KCNIP4: variants seen among roughly 807,000 people sequenced by gnomAD.
KCNIP4 encodes the protein potassium voltage-gated channel interacting protein 4, also known as Kv channel-interacting protein 4.
KCNIP4 carries 12 observed loss-of-function variants against 34.0 expected under a neutral mutation model. The ratio of observed to expected loss-of-function variants is 0.35; its 90% CI spans 0.23 to 0.57. KCNIP4 has a LOEUF of 0.57. KCNIP4 is among the 20% of genes least tolerant of loss of function. The probability of loss-of-function intolerance (pLI) is 0.83; values close to 1 mark genes in which losing one functional copy is unlikely to be tolerated. For synonymous variants in KCNIP4, 124 were observed against 102.2 expected, an observed-to-expected ratio of 1.21 and a Z score of -1.29; for missense variants, 238 against 311.7, an observed-to-expected ratio of 0.76 and a Z score of 1.78.
intron 1 of KCNIP4, among the ~76,000 whole-genome samples, chr4:21,729,251 A>G (rs963862557): frequency 6.6e-6 from 1 of 152,156 alleles, no homozygotes; most frequent in Non-Finnish European, 1.5e-5. Context: ...CTTTCCACCA[A>G]CAATATCCTA....
At chr4:21,313,070 C>G (rs1370832257) in intron 1 of KCNIP4, among the ~76,000 whole-genome samples, 1 of 152,210 alleles carries the variant, frequency 6.6e-6, no homozygotes, top group Non-Finnish European at 1.5e-5. Context: ...TGGGTCTAAT[C>G]TTTATCTAAA....
At chr4:20,804,851 A>G (rs1714858401) in intron 3 of KCNIP4, among the ~76,000 whole-genome samples, 1 of 152,148 alleles carries the variant, frequency 6.6e-6, no homozygotes, top group Admixed American at 6.5e-5. Context: ...CCTCATCTCT[A>G]CCTTTTTCTG....
intron 1 of KCNIP4, among the ~76,000 whole-genome samples, chr4:21,143,411 A>G (rs1752116402): frequency 6.6e-6 from 1 of 152,186 alleles, no homozygotes; most frequent in Admixed American, 6.5e-5. Flanking sequence ...GGGGAACCTC[A>G]GTCCTACAAC....
chr4:20,767,994 T>C (rs1041976235), intron 3 of KCNIP4, among the ~76,000 whole-genome samples: 4 of 152,292 alleles, frequency 2.6e-5, no homozygotes, highest in African/African-American at 9.6e-5. Flanking sequence ...TAAAATAGTA[T>C]TTAGCATGTA....
At chr4:20,784,692 G>A (rs1298483356) in intron 3 of KCNIP4, among the ~76,000 whole-genome samples, 1 of 152,000 alleles carries the variant, frequency 6.6e-6, no homozygotes, top group Non-Finnish European at 1.5e-5. Flanking sequence ...GAATGTGTAG[G>A]GTGGGTATGC....
At chr4:21,028,324 A>G (rs1740725222) in intron 1 of KCNIP4, among the ~76,000 whole-genome samples, 1 of 152,216 alleles carries the variant, frequency 6.6e-6, no homozygotes, top group Non-Finnish European at 1.5e-5. Context: ...AATAGAAGTC[A>G]GATCTTGTCA....
At chr4:21,730,986 C>T (rs773038355) in intron 1 of KCNIP4, among the ~76,000 whole-genome samples, 3 of 151,944 alleles carry the variant, frequency 2.0e-5, no homozygotes, top group Non-Finnish European at 4.4e-5. Context: ...TGGTGGTACA[C>T]TCCTGTAGTC....
intron 3 of KCNIP4, among the ~76,000 whole-genome samples, chr4:20,785,097 C>T (rs1487512067): frequency 2.0e-5 from 3 of 152,104 alleles, no homozygotes; most frequent in Non-Finnish European, 4.4e-5. Flanking sequence ...ACTCTCCCAA[C>T]ACCTGTTTCT....
At chr4:20,946,859 G>A (rs1732246461) in intron 1 of KCNIP4, among the ~76,000 whole-genome samples, 1 of 152,114 alleles carries the variant, frequency 6.6e-6, no homozygotes. Context: ...CAACAGCAGT[G>A]GCTCTTAATT....
intron 1 of KCNIP4, among the ~76,000 whole-genome samples, chr4:21,190,940 T>C (rs750346011): frequency 1.1e-4 from 16 of 152,168 alleles, no homozygotes; most frequent in East Asian, 5.8e-4. Flanking sequence ...GAGTTACAAT[T>C]TGTCAGCAGT....
chr4:20,777,141 TC>T (rs1376941348), intron 3 of KCNIP4, among the ~76,000 whole-genome samples: 1 of 152,134 alleles, frequency 6.6e-6, no homozygotes, highest in African/African-American at 2.4e-5. Flanking sequence ...GACTCATAGT[TC>T]CACAGGGCTA....
chr4:21,519,498 A>ATGTGTATGTGTATATACACATATG (rs1735162661), intron 1 of KCNIP4, among the ~76,000 whole-genome samples: 1 of 112,354 alleles, frequency 8.9e-6, no homozygotes, highest in African/African-American at 3.5e-5. Flanking sequence ...ATATGTGTGT[A>ATGTGTATGTGTATATACACATATG]TGTGTATGTG....
At chr4:21,632,380 A>G (rs1014333930) in intron 1 of KCNIP4, among the ~76,000 whole-genome samples, 1 of 122,372 alleles carries the variant, frequency 8.2e-6, no homozygotes, top group East Asian at 2.7e-4. Flanking sequence ...TGCCTGGCTA[A>G]TTTTTGTATT....
intron 1 of KCNIP4, among the ~76,000 whole-genome samples, chr4:21,460,435 A>C (rs146301326): frequency 2.3e-4 from 35 of 152,132 alleles, no homozygotes; most frequent in East Asian, 1.2e-3. Flanking sequence ...GCCATACCGA[A>C]ATACCATAGA....
chr4:20,875,074 G>A (rs964394620), intron 2 of KCNIP4, among the ~76,000 whole-genome samples: 4 of 151,670 alleles, frequency 2.6e-5, no homozygotes, highest in Admixed American at 6.6e-5. Context: ...CTTCTTATTC[G>A]TGGATGGTGA....
chr4:21,866,829 G>T (rs1271475292), intron 1 of KCNIP4, among the ~76,000 whole-genome samples: 1 of 135,140 alleles, frequency 7.4e-6, no homozygotes, highest in Non-Finnish European at 1.5e-5. Context: ...GAGTGCACTG[G>T]TGCTATCTCT....
chr4:21,697,838 A>G (rs1712514226), intron 1 of KCNIP4: 2 of 193,072 alleles, frequency 1.0e-5, no homozygotes, highest in Non-Finnish European at 1.0e-5. Flanking sequence ...GTGAATCAGC[A>G]TGTAAGCAGG....
intron 4 of KCNIP4, among the ~76,000 whole-genome samples, chr4:20,751,536 A>AG (rs902698310): frequency 2.7e-5 from 4 of 147,624 alleles, no homozygotes; most frequent in Non-Finnish European, 4.5e-5. Context: ...TTTTCAGAGG[A>AG]GGAAAAAAAA....
chr4:21,110,965 T>C (rs1749112123), intron 1 of KCNIP4, among the ~76,000 whole-genome samples: 1 of 152,222 alleles, frequency 6.6e-6, no homozygotes, highest in East Asian at 1.9e-4. Flanking sequence ...AGTTTTAGGC[T>C]TCTTGGTTGT....
Sources: allele counts gnomAD v4.1 joint callset (sites outside exome capture counted in the v4.1 genomes callset), GRCh38; gene constraint gnomAD v4.1.1; transcripts MANE v1.5; gene names NCBI Gene and HGNC (gene_info 2026-07-23, HGNC 2026-07-21).